The following IMMP2L variants were observed in gnomAD, a reference collection of about 807,000 sequenced individuals.
IMMP2L encodes the protein inner mitochondrial membrane peptidase subunit 2, also known as mitochondrial inner membrane protease subunit 2.
A neutral mutation model predicts 19.3 loss-of-function variants in IMMP2L; 18 were observed. That is an observed-to-expected ratio of 0.93 (90% confidence interval 0.64 to 1.38). The LOEUF (loss-of-function observed/expected upper bound fraction) is 1.38. Ranked by LOEUF, IMMP2L falls within the 40% of genes most tolerant of loss-of-function variation. IMMP2L has a pLI of 0.00. For missense variants in IMMP2L, 233 were observed against 218.2 expected (o/e 1.07, Z -0.43); for synonymous variants, 76 against 73.0 (o/e 1.04, Z -0.21).
intron 4 of IMMP2L, among the ~76,000 whole-genome samples, chr7:110,943,552 G>A (rs1203557163): frequency 1.3e-5 from 2 of 151,824 alleles, no homozygotes; most frequent in South Asian, 2.1e-4. Flanking sequence ...CCATCCCATC[G>A]TTCCACCATG....
intron 5 of IMMP2L, among the ~76,000 whole-genome samples, chr7:110,869,069 A>C (rs887958164): frequency 3.9e-5 from 6 of 152,106 alleles, no homozygotes; most frequent in African/African-American, 1.4e-4. Context: ...CTATATAAAT[A>C]GTTTCTTCAG....
intron 3 of IMMP2L, among the ~76,000 whole-genome samples, chr7:111,188,570 T>A (rs1808523173): frequency 1.3e-5 from 2 of 152,062 alleles, no homozygotes; most frequent in Admixed American, 1.3e-4. Context: ...AACATATGAA[T>A]TTGGGGAGTA....
At chr7:110,974,974 T>A (rs1266361443) in intron 3 of IMMP2L, among the ~76,000 whole-genome samples, 1 of 152,112 alleles carries the variant, frequency 6.6e-6, no homozygotes, top group South Asian at 2.1e-4. Flanking sequence ...TTTAAAAATA[T>A]AAATGCAATG....
intron 4 of IMMP2L, among the ~76,000 whole-genome samples, chr7:110,893,242 T>C (rs1042394701): frequency 9.2e-5 from 14 of 152,124 alleles, no homozygotes; most frequent in African/African-American, 3.4e-4. Flanking sequence ...AAAACCAACA[T>C]ATTCTTTTGG....
At chr7:110,685,447 A>G (rs1490903343) in intron 5 of IMMP2L, among the ~76,000 whole-genome samples, 2 of 152,184 alleles carry the variant, frequency 1.3e-5, no homozygotes, top group South Asian at 2.1e-4. Context: ...AAAGTCAGGT[A>G]CAGATTAAGC....
intron 5 of IMMP2L, among the ~76,000 whole-genome samples, chr7:110,878,667 C>T (rs1427745125): frequency 6.6e-6 from 1 of 151,732 alleles, no homozygotes; most frequent in African/African-American, 2.4e-5. Context: ...ATTATAACAA[C>T]ATAGTGATTG....
chr7:111,450,271 G>T (rs1838988513), intron 3 of IMMP2L, among the ~76,000 whole-genome samples: 1 of 150,890 alleles, frequency 6.6e-6, no homozygotes, highest in Non-Finnish European at 1.5e-5. Flanking sequence ...TAAGCCAAAA[G>T]AACAAAGCTG....
chr7:111,234,953 C>CT (rs1293621200), intron 3 of IMMP2L, among the ~76,000 whole-genome samples: 1 of 152,080 alleles, frequency 6.6e-6, no homozygotes, highest in East Asian at 1.9e-4. Flanking sequence ...AGTCAAATAA[C>CT]TTTAAAAGAG....
chr7:111,236,727 C>T (rs568291027), intron 3 of IMMP2L, among the ~76,000 whole-genome samples: 16 of 152,096 alleles, frequency 1.1e-4, no homozygotes, highest in Admixed American at 2.0e-4. Context: ...AACTCTGTCT[C>T]GTCAACCCTA....
chr7:110,764,693 G>A (rs1446426041), intron 5 of IMMP2L, among the ~76,000 whole-genome samples: 2 of 152,038 alleles, frequency 1.3e-5, no homozygotes, highest in Non-Finnish European at 2.9e-5. Flanking sequence ...ATATGTCAAT[G>A]AAAGAGAATT....
chr7:110,936,374 C>G (rs1255018320), intron 4 of IMMP2L, among the ~76,000 whole-genome samples: 1 of 152,036 alleles, frequency 6.6e-6, no homozygotes, highest in Non-Finnish European at 1.5e-5. Flanking sequence ...ACAACCCCAC[C>G]AAAAGGTGGG....
intron 3 of IMMP2L, among the ~76,000 whole-genome samples, chr7:111,168,291 T>C (rs187476283): frequency 2.6e-5 from 4 of 152,010 alleles, no homozygotes; most frequent in East Asian, 3.9e-4. Context: ...GTTTTTTTTT[T>C]CTACAGACCT....
intron 5 of IMMP2L, among the ~76,000 whole-genome samples, chr7:110,687,680 T>G (rs1399897226): frequency 1.0e-5 from 1 of 100,272 alleles, no homozygotes; most frequent in Non-Finnish European, 2.6e-5. Flanking sequence ...AATGTTACAC[T>G]TTTTGATGAA....
At chr7:110,766,696 C>T (rs377150377) in intron 5 of IMMP2L, among the ~76,000 whole-genome samples, 150 of 150,656 alleles carry the variant, frequency 1.0e-3, no homozygotes, top group African/African-American at 3.6e-3. Flanking sequence ...ATTTTTAATC[C>T]TTTTTGAATG....
At chr7:110,940,563 G>A (rs1478656644) in intron 4 of IMMP2L, among the ~76,000 whole-genome samples, 1 of 152,074 alleles carries the variant, frequency 6.6e-6, no homozygotes, top group Non-Finnish European at 1.5e-5. Flanking sequence ...AGGGTTAAGG[G>A]ATCTGAGTTT....
intron 5 of IMMP2L, among the ~76,000 whole-genome samples, chr7:110,738,104 G>A (rs12674468): frequency 0.14 from 21,119 of 152,160 alleles, 1,647 homozygotes; most frequent in South Asian, 0.28. Flanking sequence ...CTACCCAAAT[G>A]AGAAGAAAGC....
At chr7:111,210,044 C>CT (rs762835397) in intron 3 of IMMP2L, among the ~76,000 whole-genome samples, 2 of 152,138 alleles carry the variant, frequency 1.3e-5, no homozygotes, top group Non-Finnish European at 2.9e-5. Context: ...GTGTCCTCTC[C>CT]TTTTAGCTGA....
chr7:111,233,022 T>C (rs900593620), intron 3 of IMMP2L, among the ~76,000 whole-genome samples: 1 of 152,102 alleles, frequency 6.6e-6, no homozygotes, highest in African/African-American at 2.4e-5. Context: ...GGCTACCACC[T>C]ACCCCTACTA....
intron 3 of IMMP2L, among the ~76,000 whole-genome samples, chr7:111,192,743 AAG>A (rs142299219): frequency 7.9e-5 from 12 of 152,250 alleles, no homozygotes; most frequent in Non-Finnish European, 1.5e-4. Context: ...ATGATTGCCC[AAG>A]AGAGTGCAAA....
Sources: gnomAD v4.1 joint callset for allele counts (sites outside exome capture counted in the v4.1 genomes callset) on GRCh38, gnomAD v4.1.1 for gene constraint, MANE v1.5 for transcripts, NCBI Gene and HGNC (gene_info 2026-07-23, HGNC 2026-07-21) for gene names.